Variants in CACNA1C observed in about 807,000 individuals in gnomAD.
CACNA1C encodes the protein voltage-dependent L-type calcium channel subunit alpha-1C.
Under a neutral mutation model 229.0 loss-of-function variants are expected in CACNA1C, and 30 were observed. The ratio of observed to expected loss-of-function variants is 0.13; its 90% CI spans 0.10 to 0.18. The LOEUF (loss-of-function observed/expected upper bound fraction) is 0.18, where lower values mean the gene tolerates loss of function less well. Among genes scored for constraint, CACNA1C ranks in the 10% least tolerant of loss-of-function variants. The pLI is 1.00. For synonymous variants in CACNA1C, 1,114 were observed against 1,132.5 expected (o/e 0.98, Z 0.33); for missense variants, 1,658 against 2,845.0 (o/e 0.58, Z 9.49).
intron 3 of CACNA1C, among the ~76,000 whole-genome samples, chr12:2,375,994 G>T (rs976758021): frequency 4.6e-5 from 7 of 152,196 alleles, no homozygotes; most frequent in African/African-American, 1.7e-4. Context: ...AAACAACGAA[G>T]CAAGCAAATC....
intron 3 of CACNA1C, among the ~76,000 whole-genome samples, chr12:2,246,923 C>T (rs2154380674): frequency 6.6e-6 from 1 of 152,280 alleles, no homozygotes; most frequent in Non-Finnish European, 1.5e-5. Context: ...TGTCTCCCCA[C>T]TTCTCCATCC....
At chr12:2,431,561 T>C (rs149528735) in intron 3 of CACNA1C, among the ~76,000 whole-genome samples, 2 of 152,316 alleles carry the variant, frequency 1.3e-5, no homozygotes, top group African/African-American at 4.8e-5. Flanking sequence ...AACATGATAG[T>C]TAAGACGCCA....
At chr12:2,026,404 T>C (rs1593961137) in intron 1 of CACNA1C, among the ~76,000 whole-genome samples, 1 of 152,108 alleles carries the variant, frequency 6.6e-6, no homozygotes, top group Non-Finnish European at 1.5e-5. Context: ...AAAAATTGAT[T>C]GGGGTTGAGG....
intron 3 of CACNA1C, among the ~76,000 whole-genome samples, chr12:2,441,579 C>T (rs2099227108): frequency 6.6e-6 from 1 of 152,230 alleles, no homozygotes; most frequent in Admixed American, 6.5e-5. Context: ...GAAATGCACA[C>T]AAACCAGGGC....
chr12:2,026,006 A>G (rs1186960944), intron 1 of CACNA1C, among the ~76,000 whole-genome samples: 1 of 152,246 alleles, frequency 6.6e-6, no homozygotes, highest in Non-Finnish European at 1.5e-5. Context: ...TATGTGCAAA[A>G]GCCTTTGAAA....
At chr12:1,974,395 T>G (rs1049896711) in intron 1 of CACNA1C, among the ~76,000 whole-genome samples, 1 of 152,190 alleles carries the variant, frequency 6.6e-6, no homozygotes, top group Non-Finnish European at 1.5e-5. Flanking sequence ...TTAAGTAGTG[T>G]TGATGGGATT....
intron 3 of CACNA1C, among the ~76,000 whole-genome samples, chr12:2,130,103 A>T (rs2154170006): frequency 6.6e-6 from 1 of 151,690 alleles, no homozygotes; most frequent in Admixed American, 6.6e-5. Context: ...TAATAATAGC[A>T]GCAATAACTT....
chr12:2,663,407 T>C (rs2095866319), intron 34 of CACNA1C, among the ~76,000 whole-genome samples: 1 of 152,180 alleles, frequency 6.6e-6, no homozygotes, highest in South Asian at 2.1e-4. Flanking sequence ...TGGAAAACAG[T>C]ATGAAGATTC....
At chr12:2,141,180 CAG>C (rs1048282767) in intron 3 of CACNA1C, among the ~76,000 whole-genome samples, 12 of 151,184 alleles carry the variant, frequency 7.9e-5, no homozygotes, top group African/African-American at 2.7e-4. Context: ...GAGGGGCAGA[CAG>C]GGGCTGAATT....
intron 3 of CACNA1C, among the ~76,000 whole-genome samples, chr12:2,135,928 A>T (rs2093398029): frequency 6.7e-6 from 1 of 148,658 alleles, no homozygotes; most frequent in African/African-American, 2.5e-5. Flanking sequence ...TTGCAGTTTG[A>T]TCTCAGACTG....
intron 3 of CACNA1C, among the ~76,000 whole-genome samples, chr12:2,259,348 C>G (rs898220825): frequency 6.6e-6 from 1 of 151,912 alleles, no homozygotes; most frequent in African/African-American, 2.4e-5. Flanking sequence ...AGAGGGGCTG[C>G]AAGCCACTCT....
intron 9 of CACNA1C, among the ~76,000 whole-genome samples, chr12:2,524,625 C>T (rs2099815545): frequency 6.6e-6 from 1 of 152,218 alleles, no homozygotes; most frequent in Non-Finnish European, 1.5e-5. Flanking sequence ...CCACACCGGT[C>T]TTCAGGCCCC....
intron 1 of CACNA1C, among the ~76,000 whole-genome samples, chr12:1,996,240 C>T (rs1056898989): frequency 3.3e-5 from 5 of 152,186 alleles, no homozygotes; most frequent in Non-Finnish European, 5.9e-5. Flanking sequence ...CTCTATTACT[C>T]TCCTGTTCAT....
intron 3 of CACNA1C, among the ~76,000 whole-genome samples, chr12:2,325,281 C>T (rs963656022): frequency 6.6e-6 from 1 of 152,210 alleles, no homozygotes. Context: ...GCTGCTCTCA[C>T]ATTGGAAAAT....
chr12:2,330,017 C>T (rs1283902810), intron 3 of CACNA1C, among the ~76,000 whole-genome samples: 1 of 152,180 alleles, frequency 6.6e-6, no homozygotes, highest in Admixed American at 6.5e-5. Flanking sequence ...CACTGGAAAC[C>T]CACTCAGTGT....
Position 2,666,041 on chromosome 12 carries a change from T to C in CACNA1C, c.4526+333T>C, listed in dbSNP as rs1417601538. On this transcript the variant is annotated intron_variant, in intron 36 of 46. Coordinates refer to ENST00000399655, the MANE Select transcript of CACNA1C (RefSeq NM_000719.7). This position sits in a 1 kb window ranked among gnomAD's most constrained non-coding sequence, Gnocchi z 5.3. ...CCATCTCTACTAAAAATACAAAAAT[T>C]AGCCGGACATGGTGGCACATGCCTA... Among the ~76,000 whole-genome samples the C allele has an allele frequency of 6.6e-6, 1 of 152,026 alleles. No individual in the cohort carries two copies. Among genetic ancestry groups the C allele is most frequent in the East Asian group, 1.9e-4 (1 of 5,178 alleles).
At chr12:2,506,118 G>A (rs1284222836) in intron 8 of CACNA1C, among the ~76,000 whole-genome samples, 1 of 152,122 alleles carries the variant, frequency 6.6e-6, no homozygotes, top group Non-Finnish European at 1.5e-5. Context: ...ATGGAGAATG[G>A]CCCAGTAGAG....
chr12:2,480,051 G>A lies in CACNA1C; in HGVS notation c.758-6053G>A, dbSNP rs113115151. ...TTACCAGCGAGGACGTTATCAGGAG[G>A]GCCTTCCTCGTGTGCTTCCTGAATT... On this transcript the variant is annotated intron_variant, in intron 5 of 46. Coordinates refer to ENST00000399655, the MANE Select transcript of CACNA1C (RefSeq NM_000719.7). Among the ~76,000 whole-genome samples the A allele has an allele frequency of 4.2e-3, 635 of 152,252 alleles. 7 individuals are homozygous for A. The highest frequency in any genetic ancestry group is 0.015 in the African/African-American group (610 of 41,540).
chr12:2,605,271 G>GTGGCTGC lies in CACNA1C; in HGVS notation c.3048+104_3048+110dup. 1 of 778,072 alleles carries GTGGCTGC rather than the reference G, an allele frequency of 1.3e-6. No homozygotes were observed. The highest frequency in any genetic ancestry group is 2.1e-5 in the Admixed American group (1 of 47,680). The allele number at this position is 778,072 out of a possible 1,614,324, so 48.2% of individuals were successfully genotyped here. A position where few individuals can be genotyped will look rare whatever the true frequency, so the allele number is the denominator to read the frequency against. On this transcript the variant is annotated intron_variant, in intron 23 of 46. Transcript: ENST00000399655. This position sits in a 1 kb window ranked among gnomAD's most constrained non-coding sequence, Gnocchi z 6.2. ...TGGAAGGAGATGATGGTCAGACCAAGTGGCTGCCATGTGGGGTCCCGGACA... is the reference window on the plus strand; with the variant it reads ...TGGAAGGAGATGATGGTCAGACCAAGTGGCTGCTGGCTGCCATGTGGGGTCCCGGACA...
Sources: allele counts gnomAD v4.1 joint callset (sites outside exome capture counted in the v4.1 genomes callset), GRCh38; gene constraint gnomAD v4.1.1; non-coding constraint Gnocchi (gnomAD v3.1); transcripts MANE v1.5; gene names NCBI Gene and HGNC (gene_info 2026-07-23, HGNC 2026-07-21).